Variants in TBC1D32 observed in about 807,000 individuals in gnomAD.
The protein encoded by TBC1D32 is TBC1 domain family member 32.
Under a neutral mutation model 170.3 loss-of-function variants are expected in TBC1D32, and 151 were observed. That is an observed-to-expected ratio of 0.89 (90% confidence interval 0.78 to 1.01). TBC1D32 has a LOEUF of 1.01. Ranked by LOEUF, TBC1D32 falls within the 50% of genes least tolerant of loss-of-function variation. The pLI, the probability that TBC1D32 is intolerant of heterozygous loss-of-function variation, is 0.00. For synonymous variants in TBC1D32, 498 were observed against 488.0 expected (o/e 1.02, Z -0.27); for missense variants, 1,464 against 1,457.1 (o/e 1.00, Z -0.08).
chr6:121,161,024 C>T lies in TBC1D32; in HGVS notation c.2603G>A (p.Arg868Lys), dbSNP rs758169249. 1.9e-6 allele frequency: 3 copies of T among 1,613,380 alleles called. No homozygotes were observed. Among genetic ancestry groups the T allele is most frequent in the Non-Finnish European group, 2.5e-6 (3 of 1,179,734 alleles). The change falls in exon 23 of 32, where the codon AGA becomes AAA. Residue 868 changes from arginine (R) to lysine (K), a missense_variant. Coordinates refer to ENST00000398212, the MANE Select transcript of TBC1D32 (RefSeq NM_152730.6). ...DFIIDGLSVE[R>K]NHVLVRINLV... The stretch of plus-strand genomic sequence containing the variant: ...ATTTATTCTAACAAGAACATGATTT[C>T]TCTCCACTGATAAGCCATCAATTAT...
chr6:121,184,799 C>T (rs1048445565), intron 22 of TBC1D32, among the ~76,000 whole-genome samples: 2 of 151,792 alleles, frequency 1.3e-5, no homozygotes, highest in African/African-American at 2.4e-5. Context: ...TTGTGATCCT[C>T]AATTTGATAA....
intron 29 of TBC1D32, among the ~76,000 whole-genome samples, chr6:121,106,640 T>C (rs1204754123): frequency 6.6e-6 from 1 of 152,032 alleles, no homozygotes; most frequent in Non-Finnish European, 1.5e-5. Context: ...CTTTACTATG[T>C]TGATATTAGC....
At chr6:121,319,097 C>G (rs1271516402) in intron 2 of TBC1D32, among the ~76,000 whole-genome samples, 1 of 150,120 alleles carries the variant, frequency 6.7e-6, no homozygotes, top group Non-Finnish European at 1.5e-5. Flanking sequence ...GTATATCATA[C>G]AGAACTAAAA....
In TBC1D32 at chr6:121,268,743, T is replaced by A. The variant is rs184657274; in HGVS notation, c.1733+10378A>T. On this transcript the variant is annotated intron_variant, in intron 15 of 31. Coordinates refer to ENST00000398212, the MANE Select transcript of TBC1D32 (RefSeq NM_152730.6). ...CTAGCAAGGCAGGCCAACATTCAAA[T>A]TCAGGAAGTACAGAGAACACCACAA... Among the ~76,000 whole-genome samples the A allele has an allele frequency of 3.3e-5, 5 of 152,120 alleles. No individual in the cohort carries two copies. The East Asian group carries it at 9.7e-4, about 29-fold the overall frequency.
At chr6:121,178,991 C>T (rs1405687428) in intron 22 of TBC1D32, among the ~76,000 whole-genome samples, 1 of 152,098 alleles carries the variant, frequency 6.6e-6, no homozygotes, top group African/African-American at 2.4e-5. Context: ...CCAGCTAAGA[C>T]GTGTCCAGAC....
intron 12 of TBC1D32, among the ~76,000 whole-genome samples, chr6:121,290,814 G>T (rs1259430799): frequency 1.3e-5 from 2 of 152,178 alleles, no homozygotes; most frequent in East Asian, 3.9e-4. Flanking sequence ...GGAATACTAT[G>T]CAGCCATAAA....
At chr6:121,297,713 C>T (rs1805872931) in intron 10 of TBC1D32, among the ~76,000 whole-genome samples, 2 of 151,974 alleles carry the variant, frequency 1.3e-5, no homozygotes, top group African/African-American at 4.8e-5. Context: ...AATAGAACCA[C>T]ACAAATACAG....
At chr6:121,200,007 T>C (rs961320314) in intron 22 of TBC1D32, among the ~76,000 whole-genome samples, 9 of 151,488 alleles carry the variant, frequency 5.9e-5, no homozygotes, top group African/African-American at 2.0e-4. Flanking sequence ...CATTGTACTA[T>C]ATATAAAACT....
chr6:121,150,725 G>C (rs1784105603), intron 24 of TBC1D32, among the ~76,000 whole-genome samples: 1 of 152,152 alleles, frequency 6.6e-6, no homozygotes, highest in African/African-American at 2.4e-5. Flanking sequence ...TCCTGGTTTA[G>C]TCTTGGGAGG....
intron 15 of TBC1D32, among the ~76,000 whole-genome samples, chr6:121,264,303 T>C (rs118172638): frequency 0.033 from 4,989 of 152,062 alleles, 192 homozygotes; most frequent in East Asian, 0.12. Flanking sequence ...AACATCTCTG[T>C]GTAAATAAAC....
intron 11 of TBC1D32, among the ~76,000 whole-genome samples, chr6:121,293,187 G>C (rs549974200): frequency 2.0e-5 from 3 of 150,392 alleles, no homozygotes; most frequent in Non-Finnish European, 3.0e-5. Context: ...ATAGAGAAGA[G>C]AGCAAAACCA....
chr6:121,285,117 G>A (rs1191193456), intron 12 of TBC1D32, among the ~76,000 whole-genome samples: 1 of 152,122 alleles, frequency 6.6e-6, no homozygotes, highest in Non-Finnish European at 1.5e-5. Flanking sequence ...ATTTCATAAG[G>A]CTCACAAGAT....
In TBC1D32 at chr6:121,234,856, A is replaced by C. The variant is rs952749975; in HGVS notation, c.2364+4214T>G. 3.3e-5 allele frequency among the ~76,000 whole-genome samples: 5 copies of C among 152,208 alleles called. No individual in the cohort carries two copies. The South Asian group carries it at 1.0e-3, about 32-fold the overall frequency. On this transcript the variant is annotated intron_variant, in intron 20 of 31. Transcript: ENST00000398212. ...ATTTGAGTAGACTACGTCAGAGGGA[A>C]GATGTGGGATTCAAGGGCTGCTGTT...
At chr6:121,149,983 AG>A (rs1784002570) in intron 24 of TBC1D32, among the ~76,000 whole-genome samples, 1 of 151,804 alleles carries the variant, frequency 6.6e-6, no homozygotes, top group South Asian at 2.1e-4. Flanking sequence ...ATCCCTTGTA[AG>A]TTGGATTCCT....
chr6:121,188,691 C>G (rs543491974), intron 22 of TBC1D32, among the ~76,000 whole-genome samples: 2 of 152,130 alleles, frequency 1.3e-5, no homozygotes, highest in Non-Finnish European at 1.5e-5. Context: ...CTTGGGAGTA[C>G]AGTAGAATGA....
chr6:121,146,212 G>A (rs941318246), intron 24 of TBC1D32, among the ~76,000 whole-genome samples: 2 of 152,196 alleles, frequency 1.3e-5, no homozygotes, highest in African/African-American at 4.8e-5. Context: ...TGTGATTATA[G>A]AGGCTGATGA....
intron 12 of TBC1D32, among the ~76,000 whole-genome samples, chr6:121,286,974 G>A (rs1336843164): frequency 6.6e-6 from 1 of 152,090 alleles, no homozygotes; most frequent in East Asian, 1.9e-4. Flanking sequence ...TCACCACCAG[G>A]CCTGCCCTAA....
chr6:121,217,698 G>T (rs1203787942), intron 21 of TBC1D32, among the ~76,000 whole-genome samples: 1 of 152,098 alleles, frequency 6.6e-6, no homozygotes, highest in Non-Finnish European at 1.5e-5. Flanking sequence ...TAGGTACAAG[G>T]CTTAGTACCT....
At chr6:121,268,843 T>C (rs1315239976) in intron 15 of TBC1D32, among the ~76,000 whole-genome samples, 1 of 151,958 alleles carries the variant, frequency 6.6e-6, no homozygotes, top group Non-Finnish European at 1.5e-5. Context: ...AGGAAAAAAA[T>C]GTTAAGGGCA....
Sources: gnomAD v4.1 joint callset for allele counts (sites outside exome capture counted in the v4.1 genomes callset) on GRCh38, gnomAD v4.1.1 for gene constraint, MANE v1.5 for transcripts, NCBI Gene and HGNC (gene_info 2026-07-23, HGNC 2026-07-21) for gene names.